The following PITPNB variants were observed in gnomAD, a reference collection of about 807,000 sequenced individuals.
PITPNB encodes the protein phosphatidylinositol transfer protein beta.
In PITPNB, 16 loss-of-function variants were observed where a neutral mutation model predicts 45.9. The observed-to-expected ratio is 0.35, with a 90% CI of 0.24 to 0.53. The LOEUF is 0.53. PITPNB is among the 20% of genes least tolerant of loss of function. PITPNB has a pLI of 0.93. For missense variants in PITPNB, 188 were observed against 330.5 expected, an observed-to-expected ratio of 0.57 and a Z score of 3.34; for synonymous variants, 112 against 108.9, an observed-to-expected ratio of 1.03 and a Z score of -0.18.
Position 27,868,414 on chromosome 22 carries a change from G to A in PITPNB, c.534+5324C>T, listed in dbSNP as rs1934547902. On this transcript the variant is annotated intron_variant, in intron 8 of 11. Transcript: ENST00000335272. ...ATTATCTTAGGTCACTGACACCAAGGGTACCAACATCTTTTCACAGACATG... is the reference window on the plus strand; with the variant it reads ...ATTATCTTAGGTCACTGACACCAAGAGTACCAACATCTTTTCACAGACATG... Among the ~76,000 whole-genome samples, 3 of 152,106 alleles carry A rather than the reference G, an allele frequency of 2.0e-5. No homozygotes were observed. In the South Asian group the frequency reaches 6.2e-4, roughly 32 times the overall value.
At chr22:27,918,225 G>A (rs569127758) in intron 1 of PITPNB, among the ~76,000 whole-genome samples, 1 of 152,210 alleles carries the variant, frequency 6.6e-6, no homozygotes, top group African/African-American at 2.4e-5. Flanking sequence ...ACTTTTTAAA[G>A]GAGGTTTAAG....
In PITPNB at chr22:27,911,123, G is replaced by T; in HGVS notation, c.52-14C>A. ...CCCAACCTGATACTGAAATTTCAAAGAATACAGAAACTGAGTAAGTCAGTA... is the reference window on the plus strand; with the variant it reads ...CCCAACCTGATACTGAAATTTCAAATAATACAGAAACTGAGTAAGTCAGTA... On this transcript the variant is annotated splice_polypyrimidine_tract_variant and intron_variant, in intron 2 of 11. Coordinates refer to ENST00000335272, the MANE Select transcript of PITPNB (RefSeq NM_012399.5). 6.2e-7 allele frequency: 1 copy of T among 1,607,154 alleles called. No individual in the cohort carries two copies.
chr22:27,902,445 G>A lies in PITPNB; in HGVS notation c.198-4553C>T, dbSNP rs566055186. 1.2e-4 allele frequency among the ~76,000 whole-genome samples: 19 copies of A among 152,196 alleles called. No homozygotes were observed. In the South Asian group the frequency reaches 1.5e-3, roughly 12 times the overall value. On this transcript the variant is annotated intron_variant, in intron 3 of 11. Transcript: ENST00000335272. The stretch of plus-strand genomic sequence containing the variant: ...CACTGAAAGCTTTAAAAAGGGGAAT[G>A]GCACAACCTGATTTCAGTTTTACGA...
At chr22:27,896,965 C>T in intron 5 of PITPNB, 165 bp downstream of exon 5, 1 of 675,026 alleles carries the variant, frequency 1.5e-6, no homozygotes, top group Non-Finnish European at 2.7e-6. Context: ...GGAAAGGGCC[C>T]ATGAACACTG....
At chr22:27,893,096 T>G (rs1411226058) in intron 7 of PITPNB, among the ~76,000 whole-genome samples, 2 of 152,170 alleles carry the variant, frequency 1.3e-5, no homozygotes, top group Non-Finnish European at 2.9e-5. Context: ...GAACATACCG[T>G]GCTTGACCAC....
chr22:27,885,059 G>A (rs201087866), intron 7 of PITPNB, among the ~76,000 whole-genome samples: 7 of 140,330 alleles, frequency 5.0e-5, no homozygotes, highest in South Asian at 4.4e-4. Context: ...TTCCAAAAAC[G>A]AAGGTCTCTC....
chr22:27,857,260 C>A (rs1027728596), intron 10 of PITPNB, among the ~76,000 whole-genome samples: 16 of 152,050 alleles, frequency 1.1e-4, no homozygotes, highest in African/African-American at 3.4e-4. Flanking sequence ...TTTTTTGGAA[C>A]AAAATCCATT....
intron 7 of PITPNB, among the ~76,000 whole-genome samples, chr22:27,891,829 T>G (rs1277138133): frequency 3.3e-5 from 5 of 152,220 alleles, no homozygotes; most frequent in Admixed American, 1.3e-4. Context: ...GTAGTATCTT[T>G]ACAGCAGTAT....
intron 10 of PITPNB, among the ~76,000 whole-genome samples, chr22:27,857,593 G>A (rs1934209063): frequency 6.6e-6 from 1 of 152,200 alleles, no homozygotes; most frequent in South Asian, 2.1e-4. Context: ...CCTGCTGGCA[G>A]GACTCGAGAT....
intron 7 of PITPNB, among the ~76,000 whole-genome samples, chr22:27,875,356 G>A (rs1453649224): frequency 6.6e-6 from 1 of 152,266 alleles, no homozygotes; most frequent in East Asian, 1.9e-4. Flanking sequence ...TCTGCAAGGA[G>A]CTGGACAACT....
chr22:27,897,982 A>T, intron 3 of PITPNB, 90 bp from the exon 4 acceptor site: 1 of 859,372 alleles, frequency 1.2e-6, no homozygotes, highest in South Asian at 1.4e-5. Flanking sequence ...ATGGCAATCA[A>T]AGGTGACCAG....
At chr22:27,904,491 G>A (rs1935701177) in intron 3 of PITPNB, among the ~76,000 whole-genome samples, 1 of 152,214 alleles carries the variant, frequency 6.6e-6, no homozygotes, top group African/African-American at 2.4e-5. Context: ...GTCAGTGACT[G>A]CTAATGAATA....
chr22:27,901,749 T>C lies in PITPNB; in HGVS notation c.198-3857A>G, dbSNP rs920628244. Among the ~76,000 whole-genome samples, 9 of 152,118 alleles carry C rather than the reference T, an allele frequency of 5.9e-5. No individual in the cohort carries two copies. The East Asian group carries it at 1.7e-3, about 29-fold the overall frequency. On this transcript the variant is annotated intron_variant, in intron 3 of 11. Coordinates refer to ENST00000335272, the MANE Select transcript of PITPNB (RefSeq NM_012399.5). ...AAACACAAAAATTAGCTGGACATGGTGGCGGGTGCCTACAATCCCAGCCAC... is the reference window on the plus strand; with the variant it reads ...AAACACAAAAATTAGCTGGACATGGCGGCGGGTGCCTACAATCCCAGCCAC...
chr22:27,919,128 C>T (rs1319805336), intron 1 of PITPNB, 44 bp downstream of exon 1: 1 of 1,613,958 alleles, frequency 6.2e-7, no homozygotes, highest in Non-Finnish European at 8.5e-7. Context: ...AATCTCCCAT[C>T]ACTGCCGTCC....
intron 7 of PITPNB, among the ~76,000 whole-genome samples, chr22:27,893,032 T>C (rs1935325916): frequency 6.6e-6 from 1 of 152,190 alleles, no homozygotes; most frequent in Non-Finnish European, 1.5e-5. Flanking sequence ...CTTACAACAC[T>C]GCTCAAGTTC....
At chr22:27,889,114 G>C (rs749711124) in intron 7 of PITPNB, among the ~76,000 whole-genome samples, 32 of 152,290 alleles carry the variant, frequency 2.1e-4, no homozygotes, top group Non-Finnish European at 4.0e-4. Flanking sequence ...AACTGCGCTG[G>C]GAGAGGGAAC....
At chr22:27,903,777 CAAAAAA>C (rs58453570) in intron 3 of PITPNB, among the ~76,000 whole-genome samples, 2 of 84,260 alleles carry the variant, frequency 2.4e-5, no homozygotes, top group South Asian at 7.6e-4. Flanking sequence ...CCCTGTCTCC[CAAAAAA>C]AAAAAAAAAA....
chr22:27,859,307 A>C (rs1005944575), intron 9 of PITPNB, among the ~76,000 whole-genome samples: 5 of 152,252 alleles, frequency 3.3e-5, no homozygotes, highest in Non-Finnish European at 7.3e-5. Flanking sequence ...ATGAATAATC[A>C]AAGTTTCCAG....
chr22:27,855,456 G>A (rs370757704), intron 10 of PITPNB, among the ~76,000 whole-genome samples: 1 of 152,160 alleles, frequency 6.6e-6, no homozygotes, highest in East Asian at 1.9e-4. Flanking sequence ...ACAATGTATG[G>A]CAAACCATGA....
Sources: gnomAD v4.1 joint callset for allele counts (sites outside exome capture counted in the v4.1 genomes callset) on GRCh38, gnomAD v4.1.1 for gene constraint, MANE v1.5 for transcripts, NCBI Gene and HGNC (gene_info 2026-07-23, HGNC 2026-07-21) for gene names.